Variants in CAB39L observed in about 807,000 individuals in gnomAD.
CAB39L encodes the protein calcium binding protein 39 like.
In CAB39L, 23 loss-of-function variants were observed where a neutral mutation model predicts 39.1. The observed-to-expected ratio is 0.59, with a 90% CI of 0.42 to 0.83. CAB39L has a LOEUF of 0.83. Among genes scored for constraint, CAB39L ranks in the 40% least tolerant of loss-of-function variants. The pLI is 0.00. For synonymous variants in CAB39L, 126 were observed against 137.2 expected (o/e 0.92, Z 0.57); for missense variants, 366 against 391.9 (o/e 0.93, Z 0.56).
At chr13:49,348,254 C>T (rs1446635166) in intron 7 of CAB39L, among the ~76,000 whole-genome samples, 1 of 152,154 alleles carries the variant, frequency 6.6e-6, no homozygotes, top group African/African-American at 2.4e-5. Flanking sequence ...CCCGCACACC[C>T]TCCTGCTTAC....
intron 8 of CAB39L, among the ~76,000 whole-genome samples, chr13:49,342,528 C>T (rs1476900972): frequency 6.6e-6 from 1 of 152,074 alleles, no homozygotes; most frequent in East Asian, 1.9e-4. Flanking sequence ...TTAAGTGCTG[C>T]TTTAAGACAG....
intron 8 of CAB39L, among the ~76,000 whole-genome samples, chr13:49,341,335 C>A (rs541219819): frequency 2.6e-5 from 4 of 152,012 alleles, no homozygotes; most frequent in African/African-American, 4.8e-5. Context: ...CTCACTGCAA[C>A]CTCCGCCTCC....
At chr13:49,399,370 A>G (rs1956716428) in intron 3 of CAB39L, among the ~76,000 whole-genome samples, 1 of 152,096 alleles carries the variant, frequency 6.6e-6, no homozygotes, top group South Asian at 2.1e-4. Context: ...CATCCTTCCA[A>G]ATACCTATCC....
At chr13:49,352,696 T>A (rs1955389385) in intron 6 of CAB39L, among the ~76,000 whole-genome samples, 1 of 152,034 alleles carries the variant, frequency 6.6e-6, no homozygotes, top group African/African-American at 2.4e-5. Flanking sequence ...GAGGCTGAGG[T>A]GGGAGATTGC....
At chr13:49,351,092 G>C (rs1955335235) in intron 6 of CAB39L, 180 bp from the exon 7 acceptor site, 1 of 357,912 alleles carries the variant, frequency 2.8e-6, no homozygotes, top group African/African-American at 2.1e-5. Context: ...ACGTATTCTG[G>C]AATTTGAGTG....
At chr13:49,386,343 T>A (rs1357528064) in intron 3 of CAB39L, among the ~76,000 whole-genome samples, 1 of 152,226 alleles carries the variant, frequency 6.6e-6, no homozygotes, top group Admixed American at 6.5e-5. Flanking sequence ...GGTGGGTTTG[T>A]TCATTTATTC....
At chr13:49,385,026 A>G (rs1956326935) in intron 3 of CAB39L, among the ~76,000 whole-genome samples, 1 of 152,220 alleles carries the variant, frequency 6.6e-6, no homozygotes, top group Non-Finnish European at 1.5e-5. Context: ...TGTCCTTTAA[A>G]GCCAGGCACT....
intron 3 of CAB39L, among the ~76,000 whole-genome samples, chr13:49,401,894 A>G (rs745927562): frequency 6.6e-6 from 1 of 152,200 alleles, no homozygotes; most frequent in Non-Finnish European, 1.5e-5. Context: ...AAGTAAACAC[A>G]CAAGTACTTG....
At chr13:49,364,339 T>C (rs548758333) in intron 5 of CAB39L, among the ~76,000 whole-genome samples, 15 of 152,096 alleles carry the variant, frequency 9.9e-5, no homozygotes, top group African/African-American at 3.6e-4. Flanking sequence ...TTATTAGAGC[T>C]AAAGTGAGAG....
intron 5 of CAB39L, among the ~76,000 whole-genome samples, chr13:49,364,678 G>A (rs1415917834): frequency 1.3e-5 from 2 of 151,826 alleles, no homozygotes; most frequent in Non-Finnish European, 2.9e-5. Flanking sequence ...AATCAAAAAA[G>A]AAATCCCATT....
At chr13:49,311,323 C>A (rs1472958528) in intron 10 of CAB39L, among the ~76,000 whole-genome samples, 2 of 152,216 alleles carry the variant, frequency 1.3e-5, no homozygotes, top group African/African-American at 4.8e-5. Flanking sequence ...AACAAACCTA[C>A]TGCCCGGCCA....
intron 3 of CAB39L, among the ~76,000 whole-genome samples, chr13:49,397,096 A>G (rs1277355914): frequency 1.3e-5 from 2 of 152,190 alleles, no homozygotes; most frequent in Non-Finnish European, 2.9e-5. Context: ...ATTATGAACC[A>G]TATTATATAT....
intron 10 of CAB39L, among the ~76,000 whole-genome samples, chr13:49,313,112 G>A (rs1205326795): frequency 1.3e-5 from 2 of 152,140 alleles, no homozygotes; most frequent in African/African-American, 2.4e-5. Context: ...GGACAAACGT[G>A]AATAGTCCTC....
chr13:49,367,267 C>G (rs960066776), intron 5 of CAB39L, among the ~76,000 whole-genome samples: 23 of 152,148 alleles, frequency 1.5e-4, no homozygotes, highest in Admixed American at 1.5e-3. Context: ...ACATAAAAGA[C>G]GTTCAACATT....
intron 10 of CAB39L, among the ~76,000 whole-genome samples, chr13:49,326,864 A>C (rs1046744404): frequency 6.6e-6 from 1 of 152,282 alleles, no homozygotes; most frequent in East Asian, 1.9e-4. Flanking sequence ...ATAATACTGC[A>C]TTTTTGAACA....
At chr13:49,367,498 T>C (rs1311572528) in intron 5 of CAB39L, among the ~76,000 whole-genome samples, 2 of 152,210 alleles carry the variant, frequency 1.3e-5, no homozygotes, top group African/African-American at 2.4e-5. Context: ...ATAACAGCAA[T>C]TGCGCTCTTG....
intron 3 of CAB39L, among the ~76,000 whole-genome samples, chr13:49,412,732 G>A (rs182357144): frequency 7.9e-5 from 12 of 152,178 alleles, no homozygotes; most frequent in African/African-American, 2.9e-4. Flanking sequence ...GGATGGTTTC[G>A]GGATGAAACT....
At chr13:49,311,070 C>T (rs958675599) in intron 10 of CAB39L, 77 bp from the exon 11 acceptor site, 36 of 1,287,102 alleles carry the variant, frequency 2.8e-5, no homozygotes, top group Middle Eastern at 1.9e-4. Flanking sequence ...AGGCCAGGGA[C>T]CTCACCCACA....
chr13:49,347,470 G>C (rs1380893233), intron 7 of CAB39L, among the ~76,000 whole-genome samples: 1 of 152,094 alleles, frequency 6.6e-6, no homozygotes, highest in African/African-American at 2.4e-5. Flanking sequence ...TTATGTGAAG[G>C]CTTACTTTTT....
Sources: allele counts gnomAD v4.1 joint callset (sites outside exome capture counted in the v4.1 genomes callset), GRCh38; gene constraint gnomAD v4.1.1; transcripts MANE v1.5; gene names NCBI Gene and HGNC (gene_info 2026-07-23, HGNC 2026-07-21).